The following TXK variants were observed in gnomAD, a reference collection of about 807,000 sequenced individuals.
TXK encodes TXK tyrosine kinase, also known as tyrosine-protein kinase TXK.
Under a neutral mutation model 81.0 loss-of-function variants are expected in TXK, and 60 were observed. That is an observed-to-expected ratio of 0.74 (90% CI 0.60 to 0.92). The LOEUF is 0.92. Ranked by LOEUF, TXK falls within the 40% of genes least tolerant of loss-of-function variation. The pLI, the probability that TXK is intolerant of heterozygous loss-of-function variation, is 0.00. For missense variants in TXK, 581 were observed against 638.3 expected (o/e 0.91, Z 0.97); for synonymous variants, 203 against 210.7 (o/e 0.96, Z 0.32).
Position 48,099,593 on chromosome 4 carries a change from A to C in TXK, c.502-4371T>G, listed in dbSNP as rs999383592. Among the ~76,000 whole-genome samples, 3 of 152,312 alleles carry C rather than the reference A, an allele frequency of 2.0e-5. No individual in the cohort carries two copies. In the South Asian group the frequency reaches 6.2e-4, roughly 32 times the overall value. ...AGGTGATTCTGAAGCTTATATGGAC[A>C]AAAAATATATATTAATACATTCAGA... On this transcript the variant is annotated intron_variant, in intron 6 of 14. Coordinates refer to ENST00000264316, the MANE Select transcript of TXK (RefSeq NM_003328.3).
rs749059469 is a variant in TXK, at chr4:48,114,338, G to T, written c.71+10C>A. On this transcript the variant is annotated intron_variant, in intron 2 of 14. Coordinates refer to ENST00000264316, the MANE Select transcript of TXK (RefSeq NM_003328.3). ...AATTTTCAAGAAATTGCCCTCGGAA[G>T]TAGACTTACCGCTTCTGCACTGAAC... is the stretch of plus-strand genomic sequence containing the variant. 1.9e-6 allele frequency: 3 copies of T among 1,613,798 alleles called. No individual in the cohort carries two copies. Among genetic ancestry groups the T allele is most frequent in the African/African-American group, 2.7e-5 (2 of 74,930 alleles).
chr4:48,117,120 T>C (rs1356229180), intron 1 of TXK, among the ~76,000 whole-genome samples: 1 of 152,156 alleles, frequency 6.6e-6, no homozygotes, highest in African/African-American at 2.4e-5. Context: ...ACTCCTGACC[T>C]CAAGTCATCC....
At chr4:48,099,359 T>C (rs990919345) in intron 6 of TXK, among the ~76,000 whole-genome samples, 1 of 152,228 alleles carries the variant, frequency 6.6e-6, no homozygotes, top group African/African-American at 2.4e-5. Flanking sequence ...TGTTTGCTTT[T>C]CTCATTAGGT....
intron 5 of TXK, among the ~76,000 whole-genome samples, chr4:48,106,642 T>C (rs538303715): frequency 6.6e-5 from 10 of 152,322 alleles, no homozygotes; most frequent in African/African-American, 2.4e-4. Context: ...CTTGAATTTT[T>C]GATCTAGAAA....
chr4:48,108,058 G>A (rs549876681), intron 5 of TXK, among the ~76,000 whole-genome samples: 39 of 151,946 alleles, frequency 2.6e-4, no homozygotes, highest in African/African-American at 8.9e-4. Context: ...GTGACAGAGC[G>A]AGACTCTGTC....
chr4:48,066,610 A>T lies in TXK; in HGVS notation c.*1027T>A, dbSNP rs1046695. 127,502 of 152,118 alleles carry T rather than the reference A, an allele frequency of 0.84. 54,385 individuals are homozygous for T. Among genetic ancestry groups the T allele is most frequent in the East Asian group, 1 (5,165 of 5,176 alleles). The allele number at this position is 152,118 out of a possible 1,614,324, so 9.4% of individuals were successfully genotyped here. A position where few individuals can be genotyped will look rare whatever the true frequency, so the allele number is the denominator to read the frequency against. The stretch of plus-strand genomic sequence containing the variant: ...TGTCAGACTTCATGGTGATTACATT[A>T]GTGCTTTCTCCAGTATCTTTCTTCC... On this transcript the variant is annotated 3_prime_UTR_variant, in exon 15 of 15. Transcript: ENST00000264316.
intron 5 of TXK, among the ~76,000 whole-genome samples, chr4:48,108,839 T>C (rs1313580027): frequency 6.6e-6 from 1 of 152,184 alleles, no homozygotes. Context: ...AGCCAGAGCC[T>C]AGGCCTTGTC....
chr4:48,088,211 G>A (rs986300037), intron 9 of TXK, among the ~76,000 whole-genome samples: 2 of 152,168 alleles, frequency 1.3e-5, no homozygotes, highest in Non-Finnish European at 2.9e-5. Flanking sequence ...ACATATTGTT[G>A]ATGGGAGTGT....
Position 48,067,489 on chromosome 4 carries a change from C to T in TXK, c.*148G>A. ...TGTGAATATTCTTAAATTTTTAAAA[C>T]TTTTAAAAACTGTGATCTTTGCACT... On this transcript the variant is annotated 3_prime_UTR_variant, in exon 15 of 15. Coordinates refer to ENST00000264316, the MANE Select transcript of TXK (RefSeq NM_003328.3). The T allele has an allele frequency of 1.2e-6, 1 of 812,394 alleles. No homozygotes were observed. Among genetic ancestry groups the T allele is most frequent in the Non-Finnish European group, 2.0e-6 (1 of 505,280 alleles). The allele number at this position is 812,394 out of a possible 1,614,324, so 50.3% of individuals were successfully genotyped here.
chr4:48,102,719 T>A (rs1010519816), intron 6 of TXK, among the ~76,000 whole-genome samples: 4 of 152,202 alleles, frequency 2.6e-5, no homozygotes, highest in Non-Finnish European at 5.9e-5. Flanking sequence ...TGAATGTTTA[T>A]CCACATTGAA....
At chr4:48,084,748 T>G (rs1363105836) in intron 10 of TXK, among the ~76,000 whole-genome samples, 2 of 152,108 alleles carry the variant, frequency 1.3e-5, no homozygotes, top group Non-Finnish European at 2.9e-5. Context: ...TGTAAGTGAA[T>G]GGAAAGGATA....
At chr4:48,085,996 T>G (rs995230248) in intron 10 of TXK, among the ~76,000 whole-genome samples, 7 of 152,188 alleles carry the variant, frequency 4.6e-5, no homozygotes, top group African/African-American at 1.7e-4. Context: ...TGGTTAACAC[T>G]TAGCCATCTG....
intron 6 of TXK, among the ~76,000 whole-genome samples, chr4:48,096,855 A>G (rs1452724516): frequency 6.6e-6 from 1 of 152,148 alleles, no homozygotes; most frequent in East Asian, 1.9e-4. Context: ...ATATAGCTCA[A>G]AGAAATTCAA....
intron 12 of TXK, among the ~76,000 whole-genome samples, chr4:48,075,149 T>C (rs929790668): frequency 1.3e-5 from 2 of 152,144 alleles, no homozygotes; most frequent in African/African-American, 4.8e-5. Context: ...GTTAGGGTCC[T>C]GTATCTTGTA....
At chr4:48,122,823 AGC>A (rs1718992373) in intron 1 of TXK, among the ~76,000 whole-genome samples, 1 of 152,272 alleles carries the variant, frequency 6.6e-6, no homozygotes, top group South Asian at 2.1e-4. Flanking sequence ...GAACAGAACA[AGC>A]AGGTTCAATC....
At chr4:48,123,627 G>A (rs1719012451) in intron 1 of TXK, among the ~76,000 whole-genome samples, 2 of 152,204 alleles carry the variant, frequency 1.3e-5, no homozygotes, top group South Asian at 4.1e-4. Flanking sequence ...ACTCTGTGAA[G>A]TAGATGCCGT....
intron 1 of TXK, among the ~76,000 whole-genome samples, chr4:48,117,819 G>A (rs933513640): frequency 9.9e-5 from 15 of 152,224 alleles, no homozygotes; most frequent in African/African-American, 3.4e-4. Flanking sequence ...TCTTCCAGAT[G>A]TGATAGTAAT....
In TXK at chr4:48,080,096, T is replaced by C; in HGVS notation, c.989A>G (p.Tyr330Cys). 1 of 1,613,954 alleles carries C rather than the reference T, an allele frequency of 6.2e-7. No individual in the cohort carries two copies. The change falls in exon 11 of 15, where the codon TAT (tyrosine) becomes TGT (cysteine). Residue 330 changes from tyrosine (Y) to cysteine (C), a missense_variant. By Grantham distance (194) the Tyr-to-Cys change is radical (BLOSUM62 -2). Coordinates refer to ENST00000264316, the MANE Select transcript of TXK (RefSeq NM_003328.3). ...GGGCTTCCGCTGTATACAGACTCCA[T>C]AAAGTTGCACTAGCTTTGAATGAGA... ...KLSHSKLVQLYGVCIQRKPLY... is the reference protein window; with the variant it reads ...KLSHSKLVQLCGVCIQRKPLY...
At chr4:48,134,070 G>GA (rs533241729) in intron 1 of TXK, 85 bp downstream of exon 1, 28,351 of 1,262,648 alleles carry the variant, frequency 0.022, 1 homozygote, top group South Asian at 0.03. Flanking sequence ...CTATGCCTTG[G>GA]AAAAAAAAAA....
Sources: allele counts gnomAD v4.1 joint callset (sites outside exome capture counted in the v4.1 genomes callset), GRCh38; gene constraint gnomAD v4.1.1; transcripts MANE v1.5; gene names NCBI Gene and HGNC (gene_info 2026-07-23, HGNC 2026-07-21).